The following CEP120 variants were observed in gnomAD, a reference collection of about 807,000 sequenced individuals.
CEP120 encodes the protein centrosomal protein of 120 kDa.
In CEP120, 113 loss-of-function variants were observed where a neutral mutation model predicts 126.5. The observed-to-expected ratio is 0.89, with a 90% CI of 0.77 to 1.04. CEP120 has a LOEUF of 1.04. CEP120 is among the 50% of genes least tolerant of loss of function. The pLI is 0.00. For missense variants in CEP120, 1,230 were observed against 1,155.7 expected (o/e 1.06, Z -0.93); for synonymous variants, 400 against 394.3 (o/e 1.01, Z -0.17).
intron 4 of CEP120, among the ~76,000 whole-genome samples, chr5:123,411,687 AGGAG>A (rs1010309081): frequency 5.3e-5 from 8 of 152,226 alleles, no homozygotes; most frequent in African/African-American, 1.9e-4. Flanking sequence ...AGGGGATGGG[AGGAG>A]GGAGGAATGA....
chr5:123,353,946 T>G (rs928021111), intron 18 of CEP120, among the ~76,000 whole-genome samples: 3 of 152,048 alleles, frequency 2.0e-5, no homozygotes, highest in African/African-American at 7.2e-5. Flanking sequence ...TTAATTCTAT[T>G]CATCTTATTT....
chr5:123,348,101 G>C (rs1317561366), intron 19 of CEP120, among the ~76,000 whole-genome samples: 1 of 152,124 alleles, frequency 6.6e-6, no homozygotes, highest in Admixed American at 6.6e-5. Flanking sequence ...ACCATTATTA[G>C]AGGCCACGTA....
chr5:123,393,985 G>T lies in CEP120; in HGVS notation c.613-488C>A, dbSNP rs189484868. Among the ~76,000 whole-genome samples, 376 of 152,234 alleles carry T rather than the reference G, an allele frequency of 2.5e-3. 4 individuals carry two copies. The highest frequency in any genetic ancestry group is 8.6e-3 in the African/African-American group (359 of 41,534). Reference sequence around the variant, plus strand: ...TTAGCTATTCTGTCGAAATTTAGAGGCCTATGAAAATAACACCAAAAAAAT... The same window carrying T: ...TTAGCTATTCTGTCGAAATTTAGAGTCCTATGAAAATAACACCAAAAAAAT... On this transcript the variant is annotated intron_variant, in intron 5 of 19. Transcript: ENST00000306467.
At chr5:123,387,038 G>A (rs1772079803) in intron 9 of CEP120, among the ~76,000 whole-genome samples, 1 of 151,976 alleles carries the variant, frequency 6.6e-6, no homozygotes, top group Non-Finnish European at 1.5e-5. Flanking sequence ...GGTAATTATG[G>A]TAATCTTGCA....
intron 18 of CEP120, among the ~76,000 whole-genome samples, chr5:123,356,814 A>G (rs572498250): frequency 6.6e-6 from 1 of 152,246 alleles, no homozygotes; most frequent in African/African-American, 2.4e-5. Flanking sequence ...TGTATATTTT[A>G]AAGTCAACAA....
chr5:123,406,139 G>A (rs1337019146), intron 4 of CEP120, among the ~76,000 whole-genome samples: 4 of 150,024 alleles, frequency 2.7e-5, no homozygotes, highest in Admixed American at 1.3e-4. Context: ...GACAATAGGA[G>A]TTTCCAAAAC....
At chr5:123,408,092 G>T (rs765311874) in intron 4 of CEP120, among the ~76,000 whole-genome samples, 3 of 151,982 alleles carry the variant, frequency 2.0e-5, no homozygotes, top group Non-Finnish European at 4.4e-5. Context: ...GGATAATTTC[G>T]CTGGGCACAG....
intron 5 of CEP120, among the ~76,000 whole-genome samples, chr5:123,397,481 G>C (rs773816823): frequency 2.0e-5 from 3 of 152,304 alleles, no homozygotes; most frequent in Non-Finnish European, 4.4e-5. Flanking sequence ...TGCAACTAGA[G>C]TGGCATATTA....
chr5:123,389,449 G>C (rs1772243219), intron 8 of CEP120, among the ~76,000 whole-genome samples: 1 of 152,180 alleles, frequency 6.6e-6, no homozygotes, highest in Admixed American at 6.5e-5. Flanking sequence ...TTTGAAGTTA[G>C]ATAGATTGCA....
chr5:123,372,576 G>T, intron 17 of CEP120, 74 bp downstream of exon 17: 2 of 1,388,486 alleles, frequency 1.4e-6, no homozygotes, highest in Non-Finnish European at 2.0e-6. Flanking sequence ...TTATTATATT[G>T]TATACACATT....
intron 4 of CEP120, among the ~76,000 whole-genome samples, chr5:123,406,754 A>T (rs1201440979): frequency 6.7e-6 from 1 of 148,914 alleles, no homozygotes; most frequent in Non-Finnish European, 1.5e-5. Flanking sequence ...GAAAAATGGC[A>T]TGGGTAAGAA....
intron 11 of CEP120, 84 bp downstream of exon 11, chr5:123,384,867 G>T: frequency 8.5e-7 from 1 of 1,172,772 alleles, no homozygotes; most frequent in Non-Finnish European, 1.2e-6. Context: ...AGAGGTTATG[G>T]AAGGGTGAAG....
chr5:123,402,245 G>C (rs1464517358), intron 4 of CEP120: 24 of 1,498,590 alleles, frequency 1.6e-5, no homozygotes, highest in African/African-American at 2.7e-5. Context: ...TTGAGGAGCT[G>C]ATGTGGGCAC....
chr5:123,377,404 G>A lies in CEP120; in HGVS notation c.2328C>T (p.Leu776=), dbSNP rs765937425. 41 of 1,610,146 alleles carry A rather than the reference G, an allele frequency of 2.5e-5. No homozygotes were observed. Among genetic ancestry groups the A allele is most frequent in the South Asian group, 7.8e-5 (7 of 90,276 alleles). Reference sequence around the variant, plus strand: ...GCTGAAGGCGGTGTTTATCCTCTTCGAGCTGTTTGATTTTTAACCTTTCTA... The same window carrying A: ...GCTGAAGGCGGTGTTTATCCTCTTCAAGCTGTTTGATTTTTAACCTTTCTA... ...VELERLKIKQ[L]EEDKHRLQQQ... The change falls in exon 16 of 20, where the codon CTC becomes CTT. Residue 776 remains leucine (L), a synonymous_variant. Transcript: ENST00000306467.
chr5:123,415,386 A>T (rs1381717417), intron 3 of CEP120, among the ~76,000 whole-genome samples: 1 of 152,258 alleles, frequency 6.6e-6, no homozygotes, highest in Non-Finnish European at 1.5e-5. Flanking sequence ...CAATTCACTG[A>T]AGCAGGAAAC....
intron 17 of CEP120, among the ~76,000 whole-genome samples, chr5:123,365,376 G>A (rs1330037627): frequency 6.6e-6 from 1 of 151,688 alleles, no homozygotes. Context: ...AATTCATGTA[G>A]CCAACAGACA....
chr5:123,389,944 T>C lies in CEP120; in HGVS notation c.1235A>G (p.Asp412Gly). 2 of 1,614,096 alleles carry C rather than the reference T, an allele frequency of 1.2e-6. No homozygotes were observed. Among genetic ancestry groups the C allele is most frequent in the Non-Finnish European group, 1.7e-6 (2 of 1,179,948 alleles). ...SEVESLQYDK[D>G]TKPNPKASSS... is the part of the protein sequence containing the mutation. ...CTTACCTTTTGGATTTGGTTTGGTG[T>C]CCTTATCATACTGTAAACTTTCCAC... is the stretch of plus-strand genomic sequence containing the variant. The change falls in exon 8 of 20, where the codon GAC (aspartate) becomes GGC (glycine). Residue 412 changes from aspartate (D) to glycine (G), a missense_variant. Coordinates refer to ENST00000306467, the MANE Select transcript of CEP120 (RefSeq NM_001375405.1).
At position 123,418,473 on chromosome 5, in the gene CEP120, T is replaced by C; in HGVS notation, c.92A>G (p.Glu31Gly). ...CAACTGTTCTCCATCAAACTTTGCT[T>C]CCACTACAAGCATATGCTTTGGACG... ...PKRPKHMLVV[E>G]AKFDGEQLAT... Residue 31 changes from glutamate to glycine, a missense_variant, in exon 2 of 20, where the codon GAA becomes GGA. Physicochemically the swap from Glu to Gly is moderately conservative, Grantham distance 98. Transcript: ENST00000306467. 1 of 1,611,710 alleles carries C rather than the reference T, an allele frequency of 6.2e-7. No homozygotes were observed. Among genetic ancestry groups the C allele is most frequent in the South Asian group, 1.1e-5 (1 of 90,890 alleles).
chr5:123,414,268 C>T (rs1216346517), intron 3 of CEP120, among the ~76,000 whole-genome samples: 2 of 152,172 alleles, frequency 1.3e-5, no homozygotes, highest in African/African-American at 4.8e-5. Context: ...AGAGCCCAAT[C>T]AAAGCCCAGG....
Sources: gnomAD v4.1 joint callset for allele counts (sites outside exome capture counted in the v4.1 genomes callset) on GRCh38, gnomAD v4.1.1 for gene constraint, MANE v1.5 for transcripts, NCBI Gene and HGNC (gene_info 2026-07-23, HGNC 2026-07-21) for gene names.